Variants in BOP1 observed in about 807,000 individuals in gnomAD.
BOP1 encodes BOP1 ribosomal biogenesis factor.
A neutral mutation model predicts 82.9 loss-of-function variants in BOP1; 54 were observed. That is an observed-to-expected ratio of 0.65 (90% CI 0.52 to 0.82). The LOEUF is 0.82. Among genes scored for constraint, BOP1 ranks in the 40% least tolerant of loss-of-function variants. The pLI is 0.00. For synonymous variants in BOP1, 566 were observed against 451.1 expected, an observed-to-expected ratio of 1.25 and a Z score of -3.23; for missense variants, 1,170 against 1,072.0, an observed-to-expected ratio of 1.09 and a Z score of -1.28.
chr8:144,268,212 G>GC (rs1845425640), intron 3 of BOP1: 1 of 1,542,200 alleles, frequency 6.5e-7, no homozygotes, highest in African/African-American at 1.4e-5. Flanking sequence ...ACTGCAGACA[G>GC]CCCCCACCTT....
Position 144,264,554 on chromosome 8 carries a change from G to C in BOP1, c.726C>G (p.Asp242Glu). 3 of 1,610,276 alleles carry C rather than the reference G, an allele frequency of 1.9e-6. No individual in the cohort carries two copies. Among genetic ancestry groups the C allele is most frequent in the Non-Finnish European group, 2.5e-6 (3 of 1,178,944 alleles). Reference protein sequence around the residue: ...MIHPVTNRPADKRSFIPSLVE... With the variant: ...MIHPVTNRPAEKRSFIPSLVE... ...CCAGGGAGGGGATGAAGCTGCGCTT[G>C]TCGGCCGGGCGGTTGGTCACCGGGT... Residue 242 changes from aspartate (D) to glutamate (E), a missense_variant, in exon 6 of 16, where the codon GAC (aspartate) becomes GAG (glutamate). Coordinates refer to ENST00000569669, the MANE Select transcript of BOP1 (RefSeq NM_015201.5).
chr8:144,275,612 C>G (rs1554838235), intron 3 of BOP1, among the ~76,000 whole-genome samples: 26 of 152,306 alleles, frequency 1.7e-4, no homozygotes, highest in Admixed American at 1.2e-3. Flanking sequence ...GACCTCCTGC[C>G]CCTCCTGAGA....
intron 3 of BOP1, among the ~76,000 whole-genome samples, chr8:144,273,167 G>A (rs1845519368): frequency 6.6e-6 from 1 of 152,174 alleles, no homozygotes. Flanking sequence ...AGGACGCGGG[G>A]GCGGGGGCGG....
intron 3 of BOP1, among the ~76,000 whole-genome samples, chr8:144,266,276 C>T (rs1447783990): frequency 3.3e-5 from 5 of 152,150 alleles, no homozygotes; most frequent in African/African-American, 9.7e-5. Flanking sequence ...TCCCCAGAGA[C>T]GGAACGATGC....
chr8:144,263,988 T>G lies in BOP1; in HGVS notation c.1133A>C (p.Lys378Thr). The stretch of plus-strand genomic sequence containing the variant: ...TGTGCCACCCCCACACACCCTCATC[T>G]TGCGCTGCCGTGGGCACAGGTACAG... ...LDLYLCPRQR[K>T]MRVNVDPEDL... is the part of the protein sequence containing the mutation. The change falls in exon 8 of 16, where the codon AAG becomes ACG. Residue 378 changes from lysine (K) to threonine (T), a missense_variant. Physicochemically the swap from Lys to Thr is moderately conservative, Grantham distance 78. Coordinates refer to ENST00000569669, the MANE Select transcript of BOP1 (RefSeq NM_015201.5). The G allele has an allele frequency of 1.2e-6, 2 of 1,609,968 alleles. No individual in the cohort carries two copies. The highest frequency in any genetic ancestry group is 1.7e-6 in the Non-Finnish European group (2 of 1,179,744).
chr8:144,286,040 C>T (rs1483260520), intron 2 of BOP1, among the ~76,000 whole-genome samples: 3 of 152,242 alleles, frequency 2.0e-5, no homozygotes, highest in African/African-American at 7.2e-5. Context: ...TTTCCACCTG[C>T]AGGGCTGCAC....
intron 2 of BOP1, among the ~76,000 whole-genome samples, chr8:144,287,994 G>A (rs543226894): frequency 1.4e-4 from 22 of 152,224 alleles, no homozygotes; most frequent in Middle Eastern, 3.4e-3. Flanking sequence ...GGCTGGGCGC[G>A]GTGGCTCACA....
chr8:144,282,274 TC>T (rs1564602448), intron 2 of BOP1, among the ~76,000 whole-genome samples: 1 of 152,084 alleles, frequency 6.6e-6, no homozygotes, highest in East Asian at 1.9e-4. Context: ...AGGGCGCCCC[TC>T]CAGTGGGATG....
intron 3 of BOP1, chr8:144,266,643 G>T: frequency 8.0e-7 from 1 of 1,243,838 alleles, no homozygotes; most frequent in Admixed American, 3.1e-5. Context: ...GCCCGGCGCC[G>T]CCGGGCCGCT....
intron 2 of BOP1, among the ~76,000 whole-genome samples, chr8:144,280,762 G>A (rs587720682): frequency 6.2e-4 from 95 of 152,212 alleles, no homozygotes; most frequent in African/African-American, 2.2e-3. Context: ...GCAGGAGAAA[G>A]AACTGCTTGA....
Position 144,263,837 on chromosome 8 carries a change from C to T in BOP1, c.1215G>A (p.Gln405=). ...CCCCCTAGTCTCCACTTACCAGGGC[C>T]TGGCACGTGGGGAAGGGCTGCAGGT... ...PRDLQPFPTC[Q]ALVYRGHSDL... Residue 405 remains glutamine (Q), a synonymous_variant, in exon 9 of 16, where the codon CAG becomes CAA. Coordinates refer to ENST00000569669, the MANE Select transcript of BOP1 (RefSeq NM_015201.5). The T allele has an allele frequency of 3.7e-6, 6 of 1,611,316 alleles. No individual in the cohort carries two copies. The highest frequency in any genetic ancestry group is 5.1e-6 in the Non-Finnish European group (6 of 1,179,640).
intron 3 of BOP1, chr8:144,268,535 C>G (rs1845435125): frequency 3.5e-6 from 1 of 286,140 alleles, no homozygotes; most frequent in African/African-American, 2.3e-5. Context: ...CAGCCCCCAG[C>G]CTGAGCCTCC....
chr8:144,288,731 T>C (rs527373134), intron 2 of BOP1, among the ~76,000 whole-genome samples: 68 of 152,172 alleles, frequency 4.5e-4, no homozygotes, highest in Non-Finnish European at 4.6e-4. Context: ...GGGGCCCCCA[T>C]GCCGCCTGCT....
Position 144,264,973 on chromosome 8 carries a change from C to A in BOP1, c.489G>T (p.Leu163=), listed in dbSNP as rs1290862210. 7 of 1,612,432 alleles carry A rather than the reference C, an allele frequency of 4.3e-6. No individual in the cohort carries two copies. The African/African-American group carries it at 9.3e-5, about 21-fold the overall frequency. ...ACTGGTCCAGCTCATCCCGGGTCCG[C>A]AGGGGCTTGTAGATGCGCCTGCCAT... ...DLDGRRIYKP[L]RTRDELDQFL... Residue 163 remains leucine (L), a synonymous_variant, in exon 4 of 16, where the codon CTG becomes CTT. Transcript: ENST00000569669.
At chr8:144,282,158 G>A (rs1383578851) in intron 2 of BOP1, among the ~76,000 whole-genome samples, 1 of 152,258 alleles carries the variant, frequency 6.6e-6, no homozygotes, top group Non-Finnish European at 1.5e-5. Context: ...AGAGGGGACA[G>A]GAAGCGAGGC....
intron 3 of BOP1, chr8:144,266,473 G>A (rs1225713361): frequency 1.7e-5 from 17 of 982,872 alleles, no homozygotes; most frequent in Non-Finnish European, 2.1e-5. Flanking sequence ...GCACATGTGC[G>A]CGCGACGCCC....
Position 144,263,953 on chromosome 8 carries a change from A to AC in BOP1, c.1140+27dup, listed in dbSNP as rs1243999382. On this transcript the variant is annotated intron_variant, in intron 8 of 15. Transcript: ENST00000569669. The stretch of plus-strand genomic sequence containing the variant: ...CCAGGTCAGCCTTGCCCCCTGTGCC[A>AC]CCCCCCTGGTGTGCCACCCCCACAC... 2.1e-5 allele frequency: 33 copies of AC among 1,609,662 alleles called. No individual in the cohort carries two copies. The African/African-American group carries it at 2.4e-4, about 12-fold the overall frequency.
rs1845221489 is a variant in BOP1 at position 144,262,410 on chromosome 8, A to G, written c.2073T>C (p.His691=). Residue 691 remains histidine (H), a synonymous_variant, in exon 15 of 16, where the codon CAT becomes CAC. Transcript: ENST00000569669. ...TCAGCACTCACTTGTACACCATGCC[A>G]TGGCAGACGATGACACTGCCGTCGT... ...GSDDGSVIVC[H]GMVYNDLLQN... 1.2e-6 allele frequency: 2 copies of G among 1,612,634 alleles called. No homozygotes were observed. Among genetic ancestry groups the G allele is most frequent in the Non-Finnish European group, 1.7e-6 (2 of 1,179,822 alleles).
rs994070946 is a variant in BOP1, at chr8:144,262,847, C to G, written c.1894+6G>C. ...ACCTGCAGGGTGCACCGCCCCCACCCCTCACCTGCAGGGTGCACCGCCAGG... is the reference window on the plus strand; with the variant it reads ...ACCTGCAGGGTGCACCGCCCCCACCGCTCACCTGCAGGGTGCACCGCCAGG... On this transcript the variant is annotated splice_donor_region_variant and intron_variant, in intron 13 of 15. Transcript: ENST00000569669. The G allele has an allele frequency of 3.7e-4, 515 of 1,400,712 alleles. 4 individuals are homozygous for G. Among genetic ancestry groups the G allele is most frequent in the Non-Finnish European group, 4.5e-4 (481 of 1,065,222 alleles). The allele number at this position is 1,400,712 out of a possible 1,614,324, so 86.8% of individuals were successfully genotyped here. A position where few individuals can be genotyped will look rare whatever the true frequency, so the allele number is the denominator to read the frequency against.
Sources: gnomAD v4.1 joint callset for allele counts (sites outside exome capture counted in the v4.1 genomes callset) on GRCh38, gnomAD v4.1.1 for gene constraint, MANE v1.5 for transcripts, NCBI Gene and HGNC (gene_info 2026-07-23, HGNC 2026-07-21) for gene names.